Variants in TMEM140 observed in about 807,000 individuals in gnomAD.
TMEM140 encodes the protein transmembrane protein 140.
For missense variants in TMEM140, 236 were observed against 228.5 expected (o/e 1.03, Z -0.21); for synonymous variants, 107 against 106.8 (o/e 1.00, Z -0.01).
rs1253734742 is a variant in TMEM140, at chr7:135,165,848, A to C, written c.*849A>C. ...TGGAAAACCTGTATGGCAGTGATTT[A>C]TTCATATATTCCTGTCCAAAGCCAC... On this transcript the variant is annotated 3_prime_UTR_variant, in exon 2 of 2. Coordinates refer to ENST00000275767, the MANE Select transcript of TMEM140 (RefSeq NM_018295.5). The C allele has an allele frequency of 3.0e-5, 5 of 167,146 alleles. No individual in the cohort carries two copies. The allele number at this position is 167,146 out of a possible 1,614,324, so 10.4% of individuals were successfully genotyped here. A position where few individuals can be genotyped will look rare whatever the true frequency, so the allele number is the denominator to read the frequency against.
chr7:135,163,004 C>T (rs1829985604), intron 1 of TMEM140, among the ~76,000 whole-genome samples: 2 of 152,334 alleles, frequency 1.3e-5, no homozygotes, highest in Non-Finnish European at 2.9e-5. Flanking sequence ...TATTTCTACC[C>T]TTGATCCAAT....
chr7:135,156,850 C>T (rs1329197832), intron 1 of TMEM140, among the ~76,000 whole-genome samples: 3 of 152,086 alleles, frequency 2.0e-5, no homozygotes, highest in East Asian at 1.9e-4. Flanking sequence ...TGAGAGGGGA[C>T]GCCAGGGGAG....
intron 1 of TMEM140, among the ~76,000 whole-genome samples, chr7:135,148,554 G>A (rs376943495): frequency 2.8e-4 from 43 of 152,210 alleles, no homozygotes; most frequent in East Asian, 1.2e-3. Flanking sequence ...AAACGATGCA[G>A]GGCTGACTGC....
At chr7:135,158,345 C>T (rs546660741) in intron 1 of TMEM140, among the ~76,000 whole-genome samples, 4 of 152,298 alleles carry the variant, frequency 2.6e-5, no homozygotes, top group South Asian at 4.1e-4. Flanking sequence ...TACAGCTGCA[C>T]CAGCCCAATC....
At chr7:135,157,453 T>C (rs1431107986) in intron 1 of TMEM140, among the ~76,000 whole-genome samples, 1 of 152,232 alleles carries the variant, frequency 6.6e-6, no homozygotes, top group Non-Finnish European at 1.5e-5. Context: ...ACCCCAGTGG[T>C]GGCAACAGTG....
intron 1 of TMEM140, among the ~76,000 whole-genome samples, chr7:135,149,644 T>C (rs1162558675): frequency 1.3e-5 from 2 of 152,248 alleles, no homozygotes; most frequent in East Asian, 1.9e-4. Context: ...TCCACCATCA[T>C]TGTGTGAGAA....
rs184613889 is a variant in TMEM140 at position 135,148,092 on chromosome 7, C to A, written c.-203C>A. 98 of 456,176 alleles carry A rather than the reference C, an allele frequency of 2.1e-4. No individual in the cohort carries two copies. Among genetic ancestry groups the A allele is most frequent in the African/African-American group, 1.7e-3 (87 of 50,172 alleles). 28.3% of individuals were successfully genotyped at this position (456,176 alleles called of 1,614,324 possible). On this transcript the variant is annotated 5_prime_UTR_variant, in exon 1 of 2. Transcript: ENST00000275767. The stretch of plus-strand genomic sequence containing the variant: ...AGTTCAGAGAGCTGTTTACTAGGCA[C>A]GACTGCGAAGGCAAGGGGGCACCAG...
chr7:135,162,165 T>A (rs549745991), intron 1 of TMEM140, among the ~76,000 whole-genome samples: 1 of 152,304 alleles, frequency 6.6e-6, no homozygotes, highest in African/African-American at 2.4e-5. Flanking sequence ...GTGTGTAGAA[T>A]GAGACAGACC....
chr7:135,152,386 G>T (rs563160735), intron 1 of TMEM140, among the ~76,000 whole-genome samples: 1 of 152,326 alleles, frequency 6.6e-6, no homozygotes, highest in African/African-American at 2.4e-5. Context: ...CCAGTTAGAG[G>T]TAGATCCTCA....
rs150066404 is a variant in TMEM140 at position 135,160,073 on chromosome 7, T to C, written c.-24-4345T>C. 1.1e-3 allele frequency among the ~76,000 whole-genome samples: 171 copies of C among 152,384 alleles called. 1 individual carries two copies. Among genetic ancestry groups the C allele is most frequent in the Non-Finnish European group, 1.7e-3 (113 of 68,042 alleles). ...CTTAATGTTTAGGAACCATTTCTAG[T>C]TCACATAGAATGATGTTCACAAAGT... On this transcript the variant is annotated intron_variant, in intron 1 of 1. Transcript: ENST00000275767.
chr7:135,160,486 T>A (rs1829902236), intron 1 of TMEM140, among the ~76,000 whole-genome samples: 1 of 152,186 alleles, frequency 6.6e-6, no homozygotes, highest in South Asian at 2.1e-4. Context: ...CAAAGATCCA[T>A]ATGCTGTCAC....
rs150585307 is a variant in TMEM140, at chr7:135,151,546, C to T, written c.-25+3276C>T. Among the ~76,000 whole-genome samples the T allele has an allele frequency of 4.6e-3, 705 of 152,290 alleles. 3 individuals are homozygous for T. The highest frequency in any genetic ancestry group is 0.016 in the African/African-American group (672 of 41,546). Reference sequence around the variant, plus strand: ...CCCAGTTCTCCTCTCTCCATTCAGGCGACACACCCAACCATGTCTACCTGA... The same window carrying T: ...CCCAGTTCTCCTCTCTCCATTCAGGTGACACACCCAACCATGTCTACCTGA... On this transcript the variant is annotated intron_variant, in intron 1 of 1. Transcript: ENST00000275767. This position sits in a 1 kb window ranked among gnomAD's most constrained non-coding sequence, Gnocchi z 4.3.
At chr7:135,155,366 A>G (rs1402398339) in intron 1 of TMEM140, among the ~76,000 whole-genome samples, 4 of 151,910 alleles carry the variant, frequency 2.6e-5, no homozygotes, top group African/African-American at 7.3e-5. Context: ...TTTCTGTTAT[A>G]TTGTTTATTG....
chr7:135,165,107 AC>A lies in TMEM140; in HGVS notation c.*111del. 2.9e-6 allele frequency: 4 copies of A among 1,380,438 alleles called. No homozygotes were observed. The South Asian group carries it at 4.5e-5, about 15-fold the overall frequency. The allele number at this position is 1,380,438 out of a possible 1,614,324, so 85.5% of individuals were successfully genotyped here. ...GCTGATCTCCAGCTCCAGCGATGGA[AC>A]CCACTACAGAGGAGGTGGGGCCCCT... On this transcript the variant is annotated 3_prime_UTR_variant, in exon 2 of 2. Transcript: ENST00000275767.
chr7:135,165,191 C>A lies in TMEM140; in HGVS notation c.*192C>A. The stretch of plus-strand genomic sequence containing the variant: ...CCAGGGCACCTGTGACTTCTTAGTA[C>A]AAGATTGTCTGTCCTTCAGGACTTC... On this transcript the variant is annotated 3_prime_UTR_variant, in exon 2 of 2. Transcript: ENST00000275767. 2 of 584,640 alleles carry A rather than the reference C, an allele frequency of 3.4e-6. No individual in the cohort carries two copies. Among genetic ancestry groups the A allele is most frequent in the South Asian group, 5.4e-5 (2 of 36,796 alleles). 36.2% of individuals were successfully genotyped at this position (584,640 alleles called of 1,614,324 possible). A position where few individuals can be genotyped will look rare whatever the true frequency, so the allele number is the denominator to read the frequency against.
intron 1 of TMEM140, among the ~76,000 whole-genome samples, chr7:135,162,060 C>T (rs527539583): frequency 6.6e-6 from 1 of 152,346 alleles, no homozygotes; most frequent in South Asian, 2.1e-4. Context: ...TCATTTTTGG[C>T]ATACACCTAG....
chr7:135,163,884 A>G (rs2075115459), intron 1 of TMEM140, among the ~76,000 whole-genome samples: 1 of 152,154 alleles, frequency 6.6e-6, no homozygotes, highest in Non-Finnish European at 1.5e-5. Context: ...TCAGAAACAC[A>G]CCAGTGCCCA....
rs1830064073 is a variant in TMEM140 at position 135,165,255 on chromosome 7, G to A, written c.*256G>A. 1 of 417,758 alleles carries A rather than the reference G, an allele frequency of 2.4e-6. No individual in the cohort carries two copies. Among genetic ancestry groups the A allele is most frequent in the African/African-American group, 2.0e-5 (1 of 49,740 alleles). The allele number at this position is 417,758 out of a possible 1,614,324, so 25.9% of individuals were successfully genotyped here. ...GACTCCCTAAACCATGCAGCTCATTGTCACACCAATTCCTGCTTTAATTAA... is the reference window on the plus strand; with the variant it reads ...GACTCCCTAAACCATGCAGCTCATTATCACACCAATTCCTGCTTTAATTAA... On this transcript the variant is annotated 3_prime_UTR_variant, in exon 2 of 2. Coordinates refer to ENST00000275767, the MANE Select transcript of TMEM140 (RefSeq NM_018295.5).
chr7:135,150,013 G>T (rs567801172), intron 1 of TMEM140, among the ~76,000 whole-genome samples: 1 of 152,146 alleles, frequency 6.6e-6, no homozygotes, highest in African/African-American at 2.4e-5. Flanking sequence ...TTCTTTATTT[G>T]TAGTTTCCAT....
Sources: gnomAD v4.1 joint callset for allele counts (sites outside exome capture counted in the v4.1 genomes callset) on GRCh38, gnomAD v4.1.1 for gene constraint, Gnocchi (gnomAD v3.1) non-coding constraint, MANE v1.5 for transcripts, NCBI Gene and HGNC (gene_info 2026-07-23, HGNC 2026-07-21) for gene names.